The following NKX6-1 variants were observed in gnomAD, a reference collection of about 807,000 sequenced individuals.
NKX6-1 encodes homeobox protein Nkx-6.1.
A neutral mutation model predicts 24.9 loss-of-function variants in NKX6-1; 11 were observed. The ratio of observed to expected loss-of-function variants is 0.44; its 90% CI spans 0.28 to 0.73. The LOEUF (loss-of-function observed/expected upper bound fraction) is 0.73. Ranked by LOEUF, NKX6-1 falls within the 30% of genes least tolerant of loss-of-function variation. NKX6-1 has a pLI of 0.15. For missense variants in NKX6-1, 487 were observed against 502.9 expected (o/e 0.97, Z 0.30); for synonymous variants, 277 against 242.9 (o/e 1.14, Z -1.31).
Position 84,498,147 on chromosome 4 carries a change from T to A in NKX6-1, c.82A>T (p.Met28Leu), listed in dbSNP as rs201655481. The change falls in exon 1 of 3, where the codon ATG becomes TTG. Residue 28 changes from methionine (M) to leucine (L), a missense_variant. Transcript: ENST00000295886. The part of the protein sequence containing the change: ...SSPPLAALHS[M>L]AEMKTPLYPA... ...TACAGCGGGGTCTTCATCTCGGCCA[T>A]GCTGTGCAGGGCGGCCAGGGGAGGG... The A allele has an allele frequency of 1.5e-6, 2 of 1,294,122 alleles. No individual in the cohort carries two copies. The highest frequency in any genetic ancestry group is 2.0e-6 in the Non-Finnish European group (2 of 1,021,130). The allele number at this position is 1,294,122 out of a possible 1,614,324, so 80.2% of individuals were successfully genotyped here.
Position 84,498,234 on chromosome 4 carries a change from G to C in NKX6-1, c.-6C>G, listed in dbSNP as rs367744315. On this transcript the variant is annotated 5_prime_UTR_variant, in exon 1 of 3. Transcript: ENST00000295886. ...ATTGCCCCCACCGCTAACATCCCACGGCCACGCCGGAGACCGTAGCCTTGC... is the reference window on the plus strand; with the variant it reads ...ATTGCCCCCACCGCTAACATCCCACCGCCACGCCGGAGACCGTAGCCTTGC... 31 of 1,294,544 alleles carry C rather than the reference G, an allele frequency of 2.4e-5. No individual in the cohort carries two copies. Among genetic ancestry groups the C allele is most frequent in the Non-Finnish European group, 2.9e-5 (30 of 1,020,910 alleles). 80.2% of individuals were successfully genotyped at this position (1,294,544 alleles called of 1,614,324 possible).
chr4:84,497,346 G>C lies in NKX6-1; in HGVS notation c.670+213C>G, dbSNP rs566112838. On this transcript the variant is annotated intron_variant, in intron 1 of 2. Transcript: ENST00000295886. This position sits in a 1 kb window ranked among gnomAD's most constrained non-coding sequence, Gnocchi z 4.8. ...AGGCGTACTCAAGACTTAGAGAGAG[G>C]GAGGCGCTTGGATACAGCCACGCGA... is the stretch of plus-strand genomic sequence containing the variant. Among the ~76,000 whole-genome samples, 1 of 152,200 alleles carries C rather than the reference G, an allele frequency of 6.6e-6. No homozygotes were observed. Among genetic ancestry groups the C allele is most frequent in the East Asian group, 1.9e-4 (1 of 5,184 alleles).
rs763410417 is a variant in NKX6-1 at position 84,497,941 on chromosome 4, G to A, written c.288C>T (p.His96=). The A allele has an allele frequency of 4.6e-6, 6 of 1,300,578 alleles. No individual in the cohort carries two copies. The African/African-American group carries it at 9.1e-5, about 20-fold the overall frequency. 80.6% of individuals were successfully genotyped at this position (1,300,578 alleles called of 1,614,324 possible). The change falls in exon 1 of 3, where the codon CAC becomes CAT. Residue 96 remains histidine (H), a synonymous_variant. Coordinates refer to ENST00000295886, the MANE Select transcript of NKX6-1 (RefSeq NM_006168.3). The surrounding 1 kb of genome is among the most constrained non-coding windows in gnomAD (Gnocchi z 4.8). ...PPQQLSAATP[H]GINDILSRPS... The stretch of plus-strand genomic sequence containing the variant: ...GCCGGCTCAGGATATCGTTGATGCC[G>A]TGTGGGGTGGCGGCCGAGAGCTGCT...
rs28603367 is a variant in NKX6-1, at chr4:84,496,225, T to C, written c.671-381A>G. ...GGTGCTCGTTCGGCCCCGGAGCCTT[T>C]AAGTGAGAATAACTAGATTTTTTTT... On this transcript the variant is annotated intron_variant, in intron 1 of 2. Coordinates refer to ENST00000295886, the MANE Select transcript of NKX6-1 (RefSeq NM_006168.3). Among the ~76,000 whole-genome samples the C allele has an allele frequency of 6.4e-3, 965 of 151,924 alleles. 8 individuals are homozygous for C. The highest frequency in any genetic ancestry group is 0.022 in the African/African-American group (895 of 41,264).
chr4:84,493,512 T>C lies in NKX6-1; in HGVS notation c.881A>G (p.Lys294Arg). The C allele has an allele frequency of 2.5e-6, 4 of 1,614,222 alleles. No individual in the cohort carries two copies. Among genetic ancestry groups the C allele is most frequent in the Non-Finnish European group, 3.4e-6 (4 of 1,180,030 alleles). The change falls in exon 3 of 3, where the codon AAG becomes AGG. Residue 294 changes from lysine to arginine, a missense_variant. Around this residue, in one of 3 missense-constraint regions of NKX6-1, gnomAD observed 126 missense variants for 105.5 expected, o/e 1.19. Transcript: ENST00000295886. This position sits in a 1 kb window ranked among gnomAD's most constrained non-coding sequence, Gnocchi z 5.1. Reference protein sequence around the residue: ...FQNRRTKWRKKHAAEMATAKK... With the variant: ...FQNRRTKWRKRHAAEMATAKK... Reference sequence around the variant, plus strand: ...GGCCGTGGCCATCTCGGCAGCGTGCTTCTTCCTCCACTTGGTCCGGCGGTT... The same window carrying C: ...GGCCGTGGCCATCTCGGCAGCGTGCCTCTTCCTCCACTTGGTCCGGCGGTT...
At position 84,497,878 on chromosome 4, in the gene NKX6-1, G is replaced by C; in HGVS notation, c.351C>G (p.Ser117=). ...MPVASGAALP[S]ASPSGSSSSS... is the part of the protein sequence containing the mutation. ...AGGAGGAGGAACCGGAGGGCGAGGC[G>C]GAGGGCAGGGCGGCCCCCGAGGCCA... The change falls in exon 1 of 3, where the codon TCC becomes TCG. Residue 117 remains serine (S), a synonymous_variant. Coordinates refer to ENST00000295886, the MANE Select transcript of NKX6-1 (RefSeq NM_006168.3). The surrounding 1 kb of genome is among the most constrained non-coding windows in gnomAD (Gnocchi z 4.8). 7.8e-7 allele frequency: 1 copy of C among 1,279,520 alleles called. No homozygotes were observed. The highest frequency in any genetic ancestry group is 9.9e-7 in the Non-Finnish European group (1 of 1,014,168). The allele number at this position is 1,279,520 out of a possible 1,614,324, so 79.3% of individuals were successfully genotyped here.
At chr4:84,494,623 G>A (rs559423761) in intron 2 of NKX6-1, among the ~76,000 whole-genome samples, 1 of 152,050 alleles carries the variant, frequency 6.6e-6, no homozygotes, top group African/African-American at 2.4e-5. Context: ...CCAGATTATC[G>A]CAGTAGGCTC....
Position 84,497,826 on chromosome 4 carries a change from A to G in NKX6-1, c.403T>C (p.Ser135Pro). Residue 135 changes from serine (S) to proline (P), a missense_variant, in exon 1 of 3, where the codon TCC becomes CCC. By Grantham distance (74) the Ser-to-Pro change is moderately conservative. This residue lies in a region of NKX6-1 where 316 missense variants were observed against 311.4 expected (regional missense o/e 1.01). Coordinates refer to ENST00000295886, the MANE Select transcript of NKX6-1 (RefSeq NM_006168.3). This position sits in a 1 kb window ranked among gnomAD's most constrained non-coding sequence, Gnocchi z 4.8. ...GCAGCCGCGGCGGCGGCAGAGGCGG[A>G]GGAGGCAGAGGCGGACGAGGAAGAG... Reference protein sequence around the residue: ...SSSSSSASASSASAAAAAAAA... With the variant: ...SSSSSSASASPASAAAAAAAA... 1 of 1,269,776 alleles carries G rather than the reference A, an allele frequency of 7.9e-7. No individual in the cohort carries two copies. The highest frequency in any genetic ancestry group is 9.9e-7 in the Non-Finnish European group (1 of 1,012,112). 78.7% of individuals were successfully genotyped at this position (1,269,776 alleles called of 1,614,324 possible).
In NKX6-1 at chr4:84,497,794, CGCGGCAGCAGCCGCGGCG is replaced by C. The variant is rs1158307989; in HGVS notation, c.417_434del (p.Ala145_Ala150del). On this transcript the variant is annotated inframe_deletion, in exon 1 of 3. Transcript: ENST00000295886. This position sits in a 1 kb window ranked among gnomAD's most constrained non-coding sequence, Gnocchi z 4.8. ...CCGGGGATGAGGCGGCGGCTGCGGC[CGCGGCAGCAGCCGCGGCG>C]GCGGCAGAGGCGGAGGAGGCAGAGG... is the stretch of plus-strand genomic sequence containing the variant. 31 of 1,268,648 alleles carry C rather than the reference CGCGGCAGCAGCCGCGGCG, an allele frequency of 2.4e-5. 1 individual carries two copies. The highest frequency in any genetic ancestry group is 1.9e-4 in the East Asian group (6 of 32,020). 78.6% of individuals were successfully genotyped at this position (1,268,648 alleles called of 1,614,324 possible).
At chr4:84,495,641 C>T (rs1248623047) in intron 2 of NKX6-1, 31 bp downstream of exon 2, 1 of 1,600,934 alleles carries the variant, frequency 6.2e-7, no homozygotes, top group Non-Finnish European at 8.5e-7. Flanking sequence ...GGGGCGGTAC[C>T]TATCCCTCCA....
At chr4:84,495,620 C>A (rs1316900502) in intron 2 of NKX6-1, 52 bp downstream of exon 2, 3 of 1,515,730 alleles carry the variant, frequency 2.0e-6, no homozygotes, top group Non-Finnish European at 9.1e-7. Context: ...TGTGTGCACG[C>A]GCGCGCGACA....
intron 1 of NKX6-1, chr4:84,496,719 A>G (rs1035339520): frequency 3.9e-5 from 6 of 152,342 alleles, no homozygotes; most frequent in African/African-American, 1.4e-4. Context: ...AGTTTGCCTC[A>G]AGCAAGGTCT....
intron 2 of NKX6-1, 63 bp downstream of exon 2, chr4:84,495,609 A>G: frequency 1.5e-6 from 2 of 1,369,306 alleles, no homozygotes; most frequent in Non-Finnish European, 1.0e-6. Context: ...GTGTGTGCCC[A>G]TGTGTGCACG....
At position 84,498,032 on chromosome 4, in the gene NKX6-1, G is replaced by A. The variant is rs772757293; in HGVS notation, c.197C>T (p.Thr66Ile). The A allele has an allele frequency of 1.6e-6, 2 of 1,270,994 alleles. No individual in the cohort carries two copies. Among genetic ancestry groups the A allele is most frequent in the South Asian group, 7.0e-5 (2 of 28,416 alleles). The allele number at this position is 1,270,994 out of a possible 1,614,324, so 78.7% of individuals were successfully genotyped here. Residue 66 changes from threonine (T) to isoleucine (I), a missense_variant, in exon 1 of 3, where the codon ACC (threonine) becomes ATC (isoleucine). By Grantham distance (89) the Thr-to-Ile change is moderately conservative. Transcript: ENST00000295886. ...GGGCTTCAGGCCGCCTGGGTTGTGG[G>A]TGCCCAGAGGCGGGGAGGGCGACGA... ...SSSSPSPPLG[T>I]HNPGGLKPPA...
At position 84,493,145 on chromosome 4, in the gene NKX6-1, A is replaced by G; in HGVS notation, c.*144T>C. 1.4e-6 allele frequency: 1 copy of G among 695,958 alleles called. No homozygotes were observed. The highest frequency in any genetic ancestry group is 3.5e-5 in the East Asian group (1 of 28,936). The allele number at this position is 695,958 out of a possible 1,614,324, so 43.1% of individuals were successfully genotyped here. On this transcript the variant is annotated 3_prime_UTR_variant, in exon 3 of 3. Coordinates refer to ENST00000295886, the MANE Select transcript of NKX6-1 (RefSeq NM_006168.3). This position sits in a 1 kb window ranked among gnomAD's most constrained non-coding sequence, Gnocchi z 5.1. ...TTAAAAAAATAGATATGTACATCTCAAAAATAGCAAAGGGTCCCCGCAGGC... is the reference window on the plus strand; with the variant it reads ...TTAAAAAAATAGATATGTACATCTCGAAAATAGCAAAGGGTCCCCGCAGGC...
rs921213856 is a variant in NKX6-1 at position 84,498,722 on chromosome 4, G to A, written c.-494C>T. Among the ~76,000 whole-genome samples the A allele has an allele frequency of 3.9e-5, 6 of 152,186 alleles. No homozygotes were observed. Among genetic ancestry groups the A allele is most frequent in the Non-Finnish European group, 8.8e-5 (6 of 68,038 alleles). Reference sequence around the variant, plus strand: ...TCAAAGGACGCCTTGTGCAGCCCGTGGCGCTCCTCTGATCTTACTGGGATG... The same window carrying A: ...TCAAAGGACGCCTTGTGCAGCCCGTAGCGCTCCTCTGATCTTACTGGGATG... On this transcript the variant is annotated 5_prime_UTR_variant, in exon 1 of 3. Coordinates refer to ENST00000295886, the MANE Select transcript of NKX6-1 (RefSeq NM_006168.3).
Position 84,498,570 on chromosome 4 carries a change from T to C in NKX6-1, c.-342A>G, listed in dbSNP as rs1226100707. The C allele has an allele frequency of 3.6e-6, 1 of 275,004 alleles. No homozygotes were observed. Among genetic ancestry groups the C allele is most frequent in the African/African-American group, 2.2e-5 (1 of 45,808 alleles). 17.0% of individuals were successfully genotyped at this position (275,004 alleles called of 1,614,324 possible). ...GCTGTTCAAAGTGCGCTACTTCTCA[T>C]CTTCTGCCCCCGGGAAATAAGCAAA... On this transcript the variant is annotated 5_prime_UTR_variant, in exon 1 of 3. An upstream start codon of the reference 5' UTR is lost. Coordinates refer to ENST00000295886, the MANE Select transcript of NKX6-1 (RefSeq NM_006168.3).
At position 84,498,335 on chromosome 4, in the gene NKX6-1, T is replaced by C; in HGVS notation, c.-107A>G. The C allele has an allele frequency of 1.7e-6, 2 of 1,208,712 alleles. No individual in the cohort carries two copies. The highest frequency in any genetic ancestry group is 1.0e-6 in the Non-Finnish European group (1 of 961,428). 74.9% of individuals were successfully genotyped at this position (1,208,712 alleles called of 1,614,324 possible). The stretch of plus-strand genomic sequence containing the variant: ...GCCGAGGGCGCGAGCGGAGAGGCAC[T>C]CGGCGCGCCCGGAGGCGAGCTGCCA... On this transcript the variant is annotated 5_prime_UTR_variant, in exon 1 of 3. Coordinates refer to ENST00000295886, the MANE Select transcript of NKX6-1 (RefSeq NM_006168.3).
At position 84,497,998 on chromosome 4, in the gene NKX6-1, C is replaced by T. The variant is rs745457851; in HGVS notation, c.231G>A (p.Thr77=). The change falls in exon 1 of 3, where the codon ACG becomes ACA. Residue 77 remains threonine, a synonymous_variant. Coordinates refer to ENST00000295886, the MANE Select transcript of NKX6-1 (RefSeq NM_006168.3). This position sits in a 1 kb window ranked among gnomAD's most constrained non-coding sequence, Gnocchi z 4.8. ...HNPGGLKPPA[T]GGLSSLGSPP... ...GGCTGCCGAGGGATGAGAGCCCCCC[C>T]GTGGCCGGGGGCTTCAGGCCGCCTG... The T allele has an allele frequency of 4.7e-6, 6 of 1,264,976 alleles. No individual in the cohort carries two copies. Among genetic ancestry groups the T allele is most frequent in the Non-Finnish European group, 6.0e-6 (6 of 1,003,886 alleles). 78.4% of individuals were successfully genotyped at this position (1,264,976 alleles called of 1,614,324 possible). A position where few individuals can be genotyped will look rare whatever the true frequency, so the allele number is the denominator to read the frequency against.
Sources: gnomAD v4.1 joint callset for allele counts (sites outside exome capture counted in the v4.1 genomes callset) on GRCh38, gnomAD v4.1.1 for gene constraint, gnomAD v4.1.1 regional missense constraint, Gnocchi (gnomAD v3.1) non-coding constraint, MANE v1.5 for transcripts, NCBI Gene and HGNC (gene_info 2026-07-23, HGNC 2026-07-21) for gene names.